The following ADCY9 variants were observed in gnomAD, a reference collection of about 807,000 sequenced individuals.
The protein encoded by ADCY9 is adenylate cyclase type 9.
In ADCY9, 50 loss-of-function variants were observed where a neutral mutation model predicts 101.5. The observed-to-expected ratio is 0.49, with a 90% CI of 0.39 to 0.62. ADCY9 has a LOEUF of 0.62. Among genes scored for constraint, ADCY9 ranks in the 20% least tolerant of loss-of-function variants. The pLI is 0.00. For missense variants in ADCY9, 1,662 were observed against 1,800.4 expected, an observed-to-expected ratio of 0.92 and a Z score of 1.39; for synonymous variants, 905 against 769.3, an observed-to-expected ratio of 1.18 and a Z score of -2.92.
chr16:3,956,147 G>A (rs887355891), intron 5 of ADCY9, among the ~76,000 whole-genome samples: 7 of 151,952 alleles, frequency 4.6e-5, no homozygotes, highest in South Asian at 4.1e-4. Flanking sequence ...TGATCTTCCC[G>A]TCTCAACCCC....
intron 2 of ADCY9, among the ~76,000 whole-genome samples, chr16:4,038,856 T>C (rs1253686742): frequency 6.6e-6 from 1 of 151,984 alleles, no homozygotes; most frequent in African/African-American, 2.4e-5. Context: ...ACCCTGAATG[T>C]CTCTCGGGCC....
intron 10 of ADCY9, among the ~76,000 whole-genome samples, chr16:3,969,613 T>TATATATATATATATATG (rs1491520639): frequency 2.5e-5 from 2 of 81,034 alleles, no homozygotes; most frequent in Non-Finnish European, 4.4e-5. Flanking sequence ...TATATATGTA[T>TATATATATATATATATG]TTTTTTTTTT....
intron 2 of ADCY9, among the ~76,000 whole-genome samples, chr16:4,074,947 A>G (rs1430765307): frequency 6.6e-6 from 1 of 151,216 alleles, no homozygotes; most frequent in African/African-American, 2.4e-5. Flanking sequence ...AGGCTGAGGC[A>G]GGAGGATCGC....
At position 3,966,398 on chromosome 16, in the gene ADCY9, G is replaced by C. The variant is rs755552694; in HGVS notation, c.3439C>G (p.Arg1147Gly). ...ILFEFAKEMMRVVDDFNNNML... is the reference protein window; with the variant it reads ...ILFEFAKEMMGVVDDFNNNML... ...TTGTTGTTGAAGTCGTCCACCACGCGCATCATCTCCTTGGCGAACTCGAAC... is the reference window on the plus strand; with the variant it reads ...TTGTTGTTGAAGTCGTCCACCACGCCCATCATCTCCTTGGCGAACTCGAAC... The change falls in exon 11 of 11, where the codon CGC (arginine) becomes GGC (glycine). Residue 1147 changes from arginine to glycine, a missense_variant. Arg to Gly is a moderately radical substitution (Grantham distance 125). This residue lies in a region of ADCY9 where 220 missense variants were observed against 312.9 expected (regional missense o/e 0.70). Coordinates refer to ENST00000294016, the MANE Select transcript of ADCY9 (RefSeq NM_001116.4). 1 of 1,614,068 alleles carries C rather than the reference G, an allele frequency of 6.2e-7. No homozygotes were observed. Among genetic ancestry groups the C allele is most frequent in the Admixed American group, 1.7e-5 (1 of 60,018 alleles).
At chr16:4,038,560 T>C (rs2056605784) in intron 2 of ADCY9, among the ~76,000 whole-genome samples, 1 of 152,164 alleles carries the variant, frequency 6.6e-6, no homozygotes, top group Non-Finnish European at 1.5e-5. Flanking sequence ...AATCACCCAG[T>C]TGCAGGTATT....
At chr16:4,086,223 G>A (rs1010593706) in intron 2 of ADCY9, among the ~76,000 whole-genome samples, 1 of 152,066 alleles carries the variant, frequency 6.6e-6, no homozygotes, top group Non-Finnish European at 1.5e-5. Context: ...CATCTATCGA[G>A]GGGGAGGAGG....
chr16:3,999,233 C>T (rs1231025507), intron 3 of ADCY9, among the ~76,000 whole-genome samples: 2 of 152,084 alleles, frequency 1.3e-5, no homozygotes, highest in African/African-American at 4.8e-5. Context: ...CGGGCAGGCA[C>T]ATTAGAGAAA....
rs139087938 is a variant in ADCY9 at position 4,091,233 on chromosome 16, G to A, written c.1693+22517C>T. On this transcript the variant is annotated intron_variant, in intron 2 of 10. Coordinates refer to ENST00000294016, the MANE Select transcript of ADCY9 (RefSeq NM_001116.4). ...GGATTATAAGCACGCGCCATGATGC[G>A]CAGCTGATTTTTCTATTTTTAGTAG... is the stretch of plus-strand genomic sequence containing the variant. Among the ~76,000 whole-genome samples, 849 of 152,178 alleles carry A rather than the reference G, an allele frequency of 5.6e-3. 8 individuals carry two copies. Among genetic ancestry groups the A allele is most frequent in the African/African-American group, 0.019 (801 of 41,526 alleles).
Position 3,965,998 on chromosome 16 carries a change from T to C in ADCY9, c.3839A>G (p.Asn1280Ser), listed in dbSNP as rs2055989731. 1.9e-6 allele frequency: 3 copies of C among 1,614,058 alleles called. No individual in the cohort carries two copies. The highest frequency in any genetic ancestry group is 1.7e-5 in the Admixed American group (1 of 60,004). The change falls in exon 11 of 11, where the codon AAC (asparagine) becomes AGC (serine). Residue 1280 changes from asparagine to serine, a missense_variant. Asn to Ser is a conservative substitution (Grantham distance 46). This residue lies in a region of ADCY9 where 168 missense variants were observed against 155.3 expected (regional missense o/e 1.08). Coordinates refer to ENST00000294016, the MANE Select transcript of ADCY9 (RefSeq NM_001116.4). ...IGRSPTDEIA[N>S]LVPSVQYVDK... ...CACATACTGGACAGAAGGCACCAGGTTGGCAATCTCGTCTGTGGGAGACCG... is the reference window on the plus strand; with the variant it reads ...CACATACTGGACAGAAGGCACCAGGCTGGCAATCTCGTCTGTGGGAGACCG...
At chr16:4,011,996 C>T (rs1176253059) in intron 2 of ADCY9, among the ~76,000 whole-genome samples, 1 of 152,216 alleles carries the variant, frequency 6.6e-6, no homozygotes, top group Admixed American at 6.5e-5. Context: ...GTTTGATCTG[C>T]GTATCACTGG....
At position 4,115,334 on chromosome 16, in the gene ADCY9, G is replaced by C. The variant is rs2057143411; in HGVS notation, c.109C>G (p.Leu37Val). The C allele has an allele frequency of 6.2e-7, 1 of 1,613,482 alleles. No homozygotes were observed. Among genetic ancestry groups the C allele is most frequent in the Non-Finnish European group, 8.5e-7 (1 of 1,179,798 alleles). Residue 37 changes from leucine to valine, a missense_variant, in exon 2 of 11, where the codon CTG (leucine) becomes GTG (valine). Leu to Val is a conservative substitution (Grantham distance 32). Transcript: ENST00000294016. The surrounding 1 kb of genome is among the most constrained non-coding windows in gnomAD (Gnocchi z 6.2). ...SVRVKINPKQ[L>V]SSNSHPKHCK... The stretch of plus-strand genomic sequence containing the variant: ...TGCTTGGGGTGGCTGTTGGAGGACA[G>C]CTGCTTGGGGTTGATCTTGACGCGC...
intron 2 of ADCY9, among the ~76,000 whole-genome samples, chr16:4,012,458 T>C (rs2056410386): frequency 7.4e-6 from 1 of 134,630 alleles, no homozygotes; most frequent in South Asian, 2.8e-4. Context: ...AGAATGGCTC[T>C]TTTGCAGCAG....
intron 3 of ADCY9, among the ~76,000 whole-genome samples, chr16:4,004,052 T>C (rs1425434521): frequency 2.0e-5 from 3 of 150,644 alleles, no homozygotes; most frequent in African/African-American, 2.4e-5. Context: ...ACCCCAGGAG[T>C]TGGCAACCAT....
chr16:4,004,664 A>G (rs1239999305), intron 3 of ADCY9, among the ~76,000 whole-genome samples: 1 of 152,232 alleles, frequency 6.6e-6, no homozygotes, highest in East Asian at 1.9e-4. Context: ...GTTATTTAAC[A>G]CTCAGTCTCT....
chr16:4,018,949 A>AG (rs1245023590), intron 2 of ADCY9, among the ~76,000 whole-genome samples: 1 of 10,778 alleles, frequency 9.3e-5, no homozygotes, highest in Non-Finnish European at 4.2e-4. Context: ...GAAGAATCGC[A>AG]GTTGTGTGTG....
rs371360849 is a variant in ADCY9 at position 4,091,565 on chromosome 16, C to T, written c.1693+22185G>A. Among the ~76,000 whole-genome samples the T allele has an allele frequency of 2.0e-5, 3 of 152,154 alleles. No individual in the cohort carries two copies. The South Asian group carries it at 6.2e-4, about 32-fold the overall frequency. On this transcript the variant is annotated intron_variant, in intron 2 of 10. Coordinates refer to ENST00000294016, the MANE Select transcript of ADCY9 (RefSeq NM_001116.4). ...CAAGAGGCAGAAACAACCCTAATGTCCATCAATGGAAGAATGGAAAAACAA... is the reference window on the plus strand; with the variant it reads ...CAAGAGGCAGAAACAACCCTAATGTTCATCAATGGAAGAATGGAAAAACAA...
At chr16:4,020,821 G>A (rs963339729) in intron 2 of ADCY9, among the ~76,000 whole-genome samples, 6 of 58,834 alleles carry the variant, frequency 1.0e-4, no homozygotes, top group Admixed American at 4.0e-4. Flanking sequence ...GCGAGACTCC[G>A]TCTCAAAAAA....
chr16:4,059,400 A>G (rs1305155014), intron 2 of ADCY9, among the ~76,000 whole-genome samples: 2 of 151,496 alleles, frequency 1.3e-5, no homozygotes, highest in African/African-American at 4.8e-5. Flanking sequence ...AAAAAGAAAA[A>G]AAAAGAAAGA....
intron 10 of ADCY9, 36 bp downstream of exon 10, chr16:3,974,633 G>A (rs765935133): frequency 3.2e-6 from 5 of 1,585,512 alleles, no homozygotes; most frequent in East Asian, 4.5e-5. Context: ...AGTCACTCTC[G>A]TTTATTCAGA....
Sources: allele counts gnomAD v4.1 joint callset (sites outside exome capture counted in the v4.1 genomes callset), GRCh38; gene constraint gnomAD v4.1.1; regional missense constraint gnomAD v4.1.1; non-coding constraint Gnocchi (gnomAD v3.1); transcripts MANE v1.5; gene names NCBI Gene and HGNC (gene_info 2026-07-23, HGNC 2026-07-21).